The following NLGN1 variants were observed in gnomAD, a reference collection of about 807,000 sequenced individuals.
NLGN1 encodes neuroligin-1.
A neutral mutation model predicts 65.5 loss-of-function variants in NLGN1; 12 were observed. That is an observed-to-expected ratio of 0.18 (90% CI 0.12 to 0.30). NLGN1 has a LOEUF of 0.30. Among genes scored for constraint, NLGN1 ranks in the 10% least tolerant of loss-of-function variants. NLGN1 has a pLI of 1.00. For missense variants in NLGN1, 750 were observed against 1,007.1 expected, an observed-to-expected ratio of 0.74 and a Z score of 3.46; for synonymous variants, 350 against 359.5, an observed-to-expected ratio of 0.97 and a Z score of 0.30.
rs1342684574 is a variant in NLGN1, at chr3:173,580,162, T to A, written c.-320-24117T>A. On this transcript the variant is annotated intron_variant, in intron 2 of 6. Transcript: ENST00000457714. ...ACCTTTTCTCAAAATAACTCTTTTGTATTAAAAGCAACAATGAAATACTTA... is the reference window on the plus strand; with the variant it reads ...ACCTTTTCTCAAAATAACTCTTTTGAATTAAAAGCAACAATGAAATACTTA... Among the ~76,000 whole-genome samples, 3 of 152,280 alleles carry A rather than the reference T, an allele frequency of 2.0e-5. No individual in the cohort carries two copies. In the East Asian group the frequency reaches 5.8e-4, roughly 29 times the overall value.
intron 2 of NLGN1, among the ~76,000 whole-genome samples, chr3:173,484,882 C>T (rs1199251869): frequency 2.0e-5 from 3 of 151,832 alleles, no homozygotes; most frequent in Admixed American, 6.6e-5. Flanking sequence ...CTTGTCTTAC[C>T]CTCAGTTTCT....
At chr3:174,270,529 T>A (rs1181933389) in intron 4 of NLGN1, among the ~76,000 whole-genome samples, 1 of 151,928 alleles carries the variant, frequency 6.6e-6, no homozygotes, top group Non-Finnish European at 1.5e-5. Context: ...GAGAAACTAA[T>A]CATATTCTAG....
chr3:173,863,198 T>G (rs1346886827), intron 4 of NLGN1, among the ~76,000 whole-genome samples: 2 of 152,164 alleles, frequency 1.3e-5, no homozygotes, highest in Non-Finnish European at 2.9e-5. Context: ...ATGTTCCTTT[T>G]TTAAGTTAAA....
rs770985861 is a variant in NLGN1 at position 173,974,228 on chromosome 3, C to CA, written c.646+166409dup. Among the ~76,000 whole-genome samples the CA allele has an allele frequency of 4.9e-3, 566 of 116,574 alleles. 2 individuals are homozygous for CA. Among genetic ancestry groups the CA allele is most frequent in the Middle Eastern group, 0.015 (3 of 202 alleles). The allele number at this position is 116,574 out of a possible 152,430, so 76.5% of individuals were successfully genotyped here. ...ATTTGATGAAAGATTTACTTCATTC[C>CA]AAAAAAAAAAAAAGGTTTTGTTATT... On this transcript the variant is annotated intron_variant, in intron 4 of 6. Coordinates refer to ENST00000457714, the Ensembl canonical transcript of NLGN1.
chr3:174,118,327 T>G (rs1716995617), intron 4 of NLGN1, among the ~76,000 whole-genome samples: 1 of 152,176 alleles, frequency 6.6e-6, no homozygotes, highest in South Asian at 2.1e-4. Context: ...GAGCTTACTC[T>G]AATATCTTGC....
In NLGN1 at chr3:173,917,643, A is replaced by G. The variant is rs73883608; in HGVS notation, c.646+109811A>G. On this transcript the variant is annotated intron_variant, in intron 4 of 6. Transcript: ENST00000457714. ...TAGAATAGCTAGTCCTTAGTCCCCT[A>G]GTGATAGTTATATCAATTACTCCCT... 6.8e-3 allele frequency among the ~76,000 whole-genome samples: 1,036 copies of G among 152,304 alleles called. 11 individuals carry two copies. Among genetic ancestry groups the G allele is most frequent in the African/African-American group, 0.024 (993 of 41,568 alleles).
At chr3:173,536,775 G>T (rs1737506226) in intron 2 of NLGN1, among the ~76,000 whole-genome samples, 1 of 152,200 alleles carries the variant, frequency 6.6e-6, no homozygotes, top group Non-Finnish European at 1.5e-5. Context: ...GCGTGTGTGT[G>T]TGTGTGCGTA....
chr3:174,291,302 G>A (rs1752743128), downstream of NLGN1, among the ~76,000 whole-genome samples: 1 of 150,654 alleles, frequency 6.6e-6, no homozygotes, highest in African/African-American at 2.4e-5. Flanking sequence ...ACCAAAACAA[G>A]GAAACACAAC....
intron 4 of NLGN1, among the ~76,000 whole-genome samples, chr3:174,272,665 G>GGATA (rs779724767): frequency 0.084 from 9,822 of 116,460 alleles, 378 homozygotes; most frequent in Admixed American, 0.093. Context: ...ATGGATGGAT[G>GGATA]GATAGATAGA....
intron 3 of NLGN1, among the ~76,000 whole-genome samples, chr3:173,635,647 T>A (rs189228983): frequency 6.6e-6 from 1 of 152,162 alleles, no homozygotes; most frequent in Non-Finnish European, 1.5e-5. Flanking sequence ...ATCTGAATTC[T>A]TTCTTTGTTT....
Position 173,526,067 on chromosome 3 carries a change from A to G in NLGN1, c.-320-78212A>G, listed in dbSNP as rs184946415. Among the ~76,000 whole-genome samples, 68 of 152,230 alleles carry G rather than the reference A, an allele frequency of 4.5e-4. No individual in the cohort carries two copies. The East Asian group carries it at 0.012, about 28-fold the overall frequency. ...TACCATGCACAAATGAGCAAAATGT[A>G]TATTCTGTTGTTGTTGGGGAGAATG... On this transcript the variant is annotated intron_variant, in intron 2 of 6. Coordinates refer to ENST00000457714, the Ensembl canonical transcript of NLGN1.
intron 3 of NLGN1, among the ~76,000 whole-genome samples, chr3:173,696,344 T>A (rs1389759412): frequency 1.3e-5 from 2 of 152,198 alleles, no homozygotes; most frequent in Non-Finnish European, 2.9e-5. Flanking sequence ...TAACTTCTCC[T>A]TGTAGCATAG....
At position 174,282,764 on chromosome 3, in the gene NLGN1, T is replaced by TC. The variant is rs1751688441; in HGVS notation, c.*1462dup. ...AAAGAGCACATCCTGATAAATACTT[T>TC]CTCTCTCACCTGTACTATATTTCTA... On this transcript the variant is annotated 3_prime_UTR_variant, in exon 7 of 7. Coordinates refer to ENST00000457714, the Ensembl canonical transcript of NLGN1. 3 of 152,208 alleles carry TC rather than the reference T, an allele frequency of 2.0e-5. No individual in the cohort carries two copies. The South Asian group carries it at 6.2e-4, about 32-fold the overall frequency. The allele number at this position is 152,208 out of a possible 1,614,324, so 9.4% of individuals were successfully genotyped here.
intron 2 of NLGN1, among the ~76,000 whole-genome samples, chr3:173,449,795 T>C (rs911785265): frequency 6.6e-6 from 1 of 152,244 alleles, no homozygotes; most frequent in African/African-American, 2.4e-5. Context: ...CTTATTGAAT[T>C]GATCCCTTTG....
intron 2 of NLGN1, among the ~76,000 whole-genome samples, chr3:173,446,392 A>C (rs1720323907): frequency 6.6e-6 from 1 of 152,150 alleles, no homozygotes; most frequent in Admixed American, 6.5e-5. Flanking sequence ...AAAGGACATG[A>C]ACTCATCATT....
intron 3 of NLGN1, among the ~76,000 whole-genome samples, chr3:173,612,062 G>C (rs1440563422): frequency 6.6e-6 from 1 of 151,698 alleles, no homozygotes; most frequent in Non-Finnish European, 1.5e-5. Flanking sequence ...ATAATATTCT[G>C]GTCTTTAATA....
intron 4 of NLGN1, among the ~76,000 whole-genome samples, chr3:173,920,352 T>C (rs541859125): frequency 3.2e-4 from 49 of 152,270 alleles, no homozygotes; most frequent in African/African-American, 1.1e-3. Flanking sequence ...ACTGTGCTCA[T>C]AAAATAATGA....
At chr3:173,818,158 T>C (rs933459577) in intron 4 of NLGN1, among the ~76,000 whole-genome samples, 2 of 152,212 alleles carry the variant, frequency 1.3e-5, no homozygotes, top group South Asian at 2.1e-4. Flanking sequence ...CTTCTAATTA[T>C]TGGTGTTTAC....
At chr3:173,422,961 T>A (rs992792044) in intron 1 of NLGN1, among the ~76,000 whole-genome samples, 14 of 152,212 alleles carry the variant, frequency 9.2e-5, no homozygotes, top group African/African-American at 3.4e-4. Flanking sequence ...TATAAAGGAA[T>A]TCTTTCCTGA....
Sources: gnomAD v4.1 joint callset for allele counts (sites outside exome capture counted in the v4.1 genomes callset) on GRCh38, gnomAD v4.1.1 for gene constraint, MANE v1.5 for transcripts, NCBI Gene and HGNC (gene_info 2026-07-23, HGNC 2026-07-21) for gene names.